GRIK2: variants seen among roughly 807,000 people sequenced by gnomAD.
The protein encoded by GRIK2 is glutamate ionotropic receptor kainate type subunit 2, also known as glutamate receptor ionotropic, kainate 2.
Under a neutral mutation model 100.3 loss-of-function variants are expected in GRIK2, and 32 were observed. The observed-to-expected ratio is 0.32, with a 90% CI of 0.24 to 0.43. GRIK2 has a LOEUF of 0.43. GRIK2 is among the 20% of genes least tolerant of loss of function. The probability of loss-of-function intolerance (pLI) is 1.00; values close to 1 mark genes in which losing one functional copy is unlikely to be tolerated. For synonymous variants in GRIK2, 417 were observed against 389.4 expected (o/e 1.07, Z -0.83); for missense variants, 843 against 1,114.9 (o/e 0.76, Z 3.47).
At chr6:101,580,067 T>C (rs1456057351) in intron 2 of GRIK2, among the ~76,000 whole-genome samples, 1 of 152,040 alleles carries the variant, frequency 6.6e-6, no homozygotes, top group Non-Finnish European at 1.5e-5. Context: ...ATTCTACAAC[T>C]TTTTTTCTCA....
intron 7 of GRIK2, among the ~76,000 whole-genome samples, chr6:101,769,604 G>C (rs989699269): frequency 3.9e-5 from 6 of 152,042 alleles, no homozygotes; most frequent in African/African-American, 1.4e-4. Flanking sequence ...ATAAACTCAA[G>C]GTTAAGATTA....
At chr6:101,497,287 A>G (rs1385666964) in intron 2 of GRIK2, among the ~76,000 whole-genome samples, 2 of 152,106 alleles carry the variant, frequency 1.3e-5, no homozygotes, top group African/African-American at 2.4e-5. Context: ...CCTGCATTGG[A>G]TGATGAACTC....
At chr6:101,476,729 A>G (rs1361088982) in intron 2 of GRIK2, among the ~76,000 whole-genome samples, 1 of 152,198 alleles carries the variant, frequency 6.6e-6, no homozygotes, top group Non-Finnish European at 1.5e-5. Context: ...CCTATTAAAA[A>G]TCATATGTTC....
chr6:101,570,431 C>T (rs1035142086), intron 2 of GRIK2, among the ~76,000 whole-genome samples: 6 of 151,968 alleles, frequency 3.9e-5, no homozygotes, highest in Admixed American at 3.9e-4. Context: ...TTTCATTCTC[C>T]TTTGTCACTC....
At chr6:101,408,678 A>G (rs1775720001) in intron 2 of GRIK2, among the ~76,000 whole-genome samples, 1 of 152,072 alleles carries the variant, frequency 6.6e-6, no homozygotes, top group Admixed American at 6.6e-5. Context: ...CTATTCAGGC[A>G]TTCAACTGAG....
chr6:101,755,161 G>GTTTTTTTTTTTTTTTTTTT (rs1157640683), intron 7 of GRIK2, among the ~76,000 whole-genome samples: 2 of 102,958 alleles, frequency 1.9e-5, no homozygotes, highest in Admixed American at 1.2e-4. Flanking sequence ...TTTCTTTTTG[G>GTTTTTTTTTTTTTTTTTTT]TTTTTTTTTT....
intron 10 of GRIK2, among the ~76,000 whole-genome samples, chr6:101,838,717 T>C (rs920828351): frequency 4.0e-5 from 6 of 151,600 alleles, no homozygotes; most frequent in African/African-American, 1.5e-4. Context: ...AATGGTGCGA[T>C]CTCGGCTCAC....
At chr6:101,954,634 G>T (rs1343198328) in intron 14 of GRIK2, among the ~76,000 whole-genome samples, 2 of 152,166 alleles carry the variant, frequency 1.3e-5, no homozygotes, top group East Asian at 3.9e-4. Context: ...CTATATACAA[G>T]ATCCTGTCAA....
At chr6:102,064,026 A>G (rs955155417) in intron 16 of GRIK2, 1 of 1,512,752 alleles carries the variant, frequency 6.6e-7, no homozygotes, top group Non-Finnish European at 9.2e-7. Context: ...TTTGAAACTT[A>G]CTAAAAGAGG....
At chr6:101,728,304 G>C (rs977371906) in intron 7 of GRIK2, among the ~76,000 whole-genome samples, 1 of 151,948 alleles carries the variant, frequency 6.6e-6, no homozygotes, top group Non-Finnish European at 1.5e-5. Context: ...TCAAACCATT[G>C]AGTATATACT....
At chr6:101,705,141 T>A (rs927889516) in intron 7 of GRIK2, among the ~76,000 whole-genome samples, 1 of 150,874 alleles carries the variant, frequency 6.6e-6, no homozygotes, top group Non-Finnish European at 1.5e-5. Context: ...AGATTACTTT[T>A]CTTTTAACTT....
chr6:101,494,971 T>TATATATA (rs1773349547), intron 2 of GRIK2, among the ~76,000 whole-genome samples: 16 of 107,984 alleles, frequency 1.5e-4, no homozygotes, highest in African/African-American at 2.5e-4. Flanking sequence ...ATATATGCAT[T>TATATATA]TATATATATA....
chr6:101,836,659 A>ATTTTTTTTTTTTT (rs1239661989), intron 10 of GRIK2, among the ~76,000 whole-genome samples: 1 of 60,224 alleles, frequency 1.7e-5, no homozygotes, highest in Non-Finnish European at 3.3e-5. Flanking sequence ...ATATATATAT[A>ATTTTTTTTTTTTT]TATTTTTTTT....
At chr6:101,616,380 A>C (rs1779896717) in intron 2 of GRIK2, among the ~76,000 whole-genome samples, 1 of 151,838 alleles carries the variant, frequency 6.6e-6, no homozygotes, top group Admixed American at 6.6e-5. Flanking sequence ...GTCAAAATTA[A>C]TCAAATGCCT....
chr6:101,532,402 T>G (rs897466252), intron 2 of GRIK2, among the ~76,000 whole-genome samples: 1 of 151,988 alleles, frequency 6.6e-6, no homozygotes, highest in African/African-American at 2.4e-5. Flanking sequence ...TGTACATGCC[T>G]GTGGAACAGA....
chr6:101,867,153 A>C (rs966651421), intron 11 of GRIK2, among the ~76,000 whole-genome samples: 11 of 151,932 alleles, frequency 7.2e-5, no homozygotes, highest in Non-Finnish European at 1.6e-4. Flanking sequence ...ACCTCAACTT[A>C]AGTGAAAGCC....
chr6:101,776,600 A>G (rs1416720724), intron 7 of GRIK2, among the ~76,000 whole-genome samples: 1 of 152,214 alleles, frequency 6.6e-6, no homozygotes, highest in Admixed American at 6.5e-5. Flanking sequence ...CCAAGTTTAC[A>G]TGCTGTAGTG....
chr6:101,598,776 G>GT (rs532378321), intron 2 of GRIK2, among the ~76,000 whole-genome samples: 98 of 151,596 alleles, frequency 6.5e-4, no homozygotes, highest in African/African-American at 2.1e-3. Context: ...GCAAGTAGCA[G>GT]TTTTTTAACA....
intron 5 of GRIK2, among the ~76,000 whole-genome samples, chr6:101,681,036 G>T (rs1291812940): frequency 1.3e-5 from 2 of 152,078 alleles, no homozygotes; most frequent in Admixed American, 6.5e-5. Flanking sequence ...CCTTCTTAAA[G>T]AATTCATGTT....
Sources: allele counts gnomAD v4.1 joint callset (sites outside exome capture counted in the v4.1 genomes callset), GRCh38; gene constraint gnomAD v4.1.1; transcripts MANE v1.5; gene names NCBI Gene and HGNC (gene_info 2026-07-23, HGNC 2026-07-21).